The following GPC5 variants were observed in gnomAD, a reference collection of about 807,000 sequenced individuals.
GPC5 encodes glypican-5.
GPC5 carries 47 observed loss-of-function variants against 53.9 expected under a neutral mutation model. The observed-to-expected ratio is 0.87, with a 90% CI of 0.69 to 1.11. The LOEUF is 1.11. GPC5 is among the 50% of genes most tolerant of loss of function. GPC5 has a pLI of 0.00. For missense variants in GPC5, 748 were observed against 713.1 expected (o/e 1.05, Z -0.56); for synonymous variants, 286 against 263.3 (o/e 1.09, Z -0.84).
At chr13:91,621,034 T>C (rs1363460944) in intron 2 of GPC5, among the ~76,000 whole-genome samples, 1 of 152,168 alleles carries the variant, frequency 6.6e-6, no homozygotes, top group African/African-American at 2.4e-5. Flanking sequence ...GAATTATCTA[T>C]GTCCAACGTT....
At chr13:92,414,705 C>CA (rs1876203692) in intron 7 of GPC5, among the ~76,000 whole-genome samples, 1 of 152,038 alleles carries the variant, frequency 6.6e-6, no homozygotes, top group African/African-American at 2.4e-5. Flanking sequence ...TTATAAACGA[C>CA]AAAAATTTAT....
chr13:91,868,432 C>G (rs1223021244), intron 5 of GPC5, among the ~76,000 whole-genome samples: 1 of 152,168 alleles, frequency 6.6e-6, no homozygotes, highest in African/African-American at 2.4e-5. Flanking sequence ...CAAGGCTGGG[C>G]ATGGTGCCTC....
rs10684260 is a variant in GPC5, at chr13:91,487,929, G to GTTT, written c.325+39019_325+39021dup. Reference sequence around the variant, plus strand: ...ATTTGAACACTGGACATTTAAACAGGTTTTTTTTTTTTTTACGGGGATACT... The same window carrying GTTT: ...ATTTGAACACTGGACATTTAAACAGGTTTTTTTTTTTTTTTTTACGGGGATACT... On this transcript the variant is annotated intron_variant, in intron 2 of 7. Transcript: ENST00000377067. Among the ~76,000 whole-genome samples, 733 of 147,000 alleles carry GTTT rather than the reference G, an allele frequency of 5.0e-3. 4 individuals carry two copies. The highest frequency in any genetic ancestry group is 0.015 in the African/African-American group (601 of 40,318).
chr13:92,335,345 T>C lies in GPC5; in HGVS notation c.1561+190356T>C, dbSNP rs967507301. On this transcript the variant is annotated intron_variant, in intron 7 of 7. Transcript: ENST00000377067. ...TCTTTTTAGCCACAGCTGGAGTGGC[T>C]GGGCACAGGACACTGAGTCCCAAGG... 9.9e-5 allele frequency among the ~76,000 whole-genome samples: 15 copies of C among 152,238 alleles called. No homozygotes were observed. In the East Asian group the frequency reaches 2.9e-3, roughly 29 times the overall value.
At chr13:91,681,996 G>C (rs1479041159) in intron 2 of GPC5, among the ~76,000 whole-genome samples, 3 of 113,312 alleles carry the variant, frequency 2.6e-5, no homozygotes, top group Non-Finnish European at 5.5e-5. Context: ...TTTTATATAG[G>C]GTGTCAGACT....
chr13:92,632,633 G>C (rs547386771), intron 7 of GPC5, among the ~76,000 whole-genome samples: 230 of 151,956 alleles, frequency 1.5e-3, no homozygotes, highest in African/African-American at 5.4e-3. Flanking sequence ...ATTTATATCA[G>C]ATAAAATAGA....
At chr13:92,330,865 T>C (rs182959052) in intron 7 of GPC5, among the ~76,000 whole-genome samples, 8 of 152,250 alleles carry the variant, frequency 5.3e-5, no homozygotes, top group South Asian at 4.1e-4. Flanking sequence ...GGACATTCCA[T>C]AGTGGCTTGC....
At chr13:91,568,561 G>GA (rs565705289) in intron 2 of GPC5, among the ~76,000 whole-genome samples, 26,170 of 141,158 alleles carry the variant, frequency 0.19, 2,408 homozygotes, top group Middle Eastern at 0.22. Context: ...AGCTTTTATT[G>GA]AAAAAAAAAA....
chr13:91,441,749 A>G (rs1214781983), intron 1 of GPC5, among the ~76,000 whole-genome samples: 1 of 152,192 alleles, frequency 6.6e-6, no homozygotes, highest in Non-Finnish European at 1.5e-5. Context: ...AACATTTCCA[A>G]AACTCGTCTC....
At chr13:92,319,681 T>C (rs1188024257) in intron 7 of GPC5, among the ~76,000 whole-genome samples, 1 of 152,180 alleles carries the variant, frequency 6.6e-6, no homozygotes, top group Non-Finnish European at 1.5e-5. Flanking sequence ...ACCTTCTTAA[T>C]ATAATAAGTA....
chr13:91,430,704 C>G (rs529513202), intron 1 of GPC5, among the ~76,000 whole-genome samples: 5 of 152,252 alleles, frequency 3.3e-5, no homozygotes, highest in Admixed American at 1.3e-4. Context: ...TCACTCTATA[C>G]TTTTAGTTTT....
chr13:92,283,334 A>G (rs998744950), intron 7 of GPC5, among the ~76,000 whole-genome samples: 3 of 152,226 alleles, frequency 2.0e-5, no homozygotes, highest in African/African-American at 7.2e-5. Flanking sequence ...ACAGATCAAC[A>G]AGACAGAAAG....
chr13:92,603,736 T>A (rs1434427364), intron 7 of GPC5, among the ~76,000 whole-genome samples: 1 of 152,170 alleles, frequency 6.6e-6, no homozygotes, highest in African/African-American at 2.4e-5. Flanking sequence ...AGTGGTTAGG[T>A]CTGTGGGTGA....
intron 7 of GPC5, among the ~76,000 whole-genome samples, chr13:92,817,057 A>G (rs1223732392): frequency 6.6e-6 from 1 of 151,982 alleles, no homozygotes; most frequent in African/African-American, 2.4e-5. Context: ...TCTAATACTA[A>G]GGTTAGAAGC....
intron 7 of GPC5, among the ~76,000 whole-genome samples, chr13:92,628,260 C>CTTTTTTTTTTTTTT (rs1286424637): frequency 1.1e-4 from 4 of 37,552 alleles, no homozygotes; most frequent in Admixed American, 2.9e-4. Flanking sequence ...TTTTCTTTTT[C>CTTTTTTTTTTTTTT]TTTCTTTTTT....
chr13:91,525,128 C>A (rs781513022), intron 2 of GPC5, among the ~76,000 whole-genome samples: 5 of 152,100 alleles, frequency 3.3e-5, no homozygotes, highest in Non-Finnish European at 5.9e-5. Flanking sequence ...GCAGCTTGTT[C>A]CTCTATACAA....
intron 1 of GPC5, among the ~76,000 whole-genome samples, chr13:91,423,258 C>A (rs78884379): frequency 6.6e-6 from 1 of 152,104 alleles, no homozygotes; most frequent in Non-Finnish European, 1.5e-5. Flanking sequence ...AGCCACACTG[C>A]CAGGGCTCAT....
intron 5 of GPC5, among the ~76,000 whole-genome samples, chr13:91,886,451 C>T (rs1180200895): frequency 6.6e-6 from 1 of 152,178 alleles, no homozygotes; most frequent in Non-Finnish European, 1.5e-5. Context: ...CATGTTTTCA[C>T]ATTTCAAAAT....
intron 6 of GPC5, among the ~76,000 whole-genome samples, chr13:92,015,758 C>A (rs552064576): frequency 6.6e-6 from 1 of 152,150 alleles, no homozygotes; most frequent in Non-Finnish European, 1.5e-5. Context: ...ACATCTTTTA[C>A]AAACTATTTC....
Sources: gnomAD v4.1 joint callset for allele counts (sites outside exome capture counted in the v4.1 genomes callset) on GRCh38, gnomAD v4.1.1 for gene constraint, MANE v1.5 for transcripts, NCBI Gene and HGNC (gene_info 2026-07-23, HGNC 2026-07-21) for gene names.